Variants in MRPL4 observed in about 807,000 individuals in gnomAD.
MRPL4 encodes large ribosomal subunit protein uL4m.
MRPL4 carries 34 observed loss-of-function variants against 34.1 expected under a neutral mutation model. The ratio of observed to expected loss-of-function variants is 1.00; its 90% CI spans 0.76 to 1.33. The LOEUF is 1.33. Ranked by LOEUF, MRPL4 falls within the 40% of genes most tolerant of loss-of-function variation. The pLI, the probability that MRPL4 is intolerant of heterozygous loss-of-function variation, is 0.00. For missense variants in MRPL4, 402 were observed against 434.6 expected, an observed-to-expected ratio of 0.92 and a Z score of 0.67; for synonymous variants, 196 against 188.3, an observed-to-expected ratio of 1.04 and a Z score of -0.33.
At chr19:10,259,023 CAG>C (rs1324621942) in intron 8 of MRPL4, 19 of 1,388,186 alleles carry the variant, frequency 1.4e-5, no homozygotes, top group Admixed American at 6.6e-5. Context: ...AGCTTGAGCT[CAG>C]GGGGCCAAGG....
chr19:10,256,558 T>A (rs1046696848), intron 4 of MRPL4, 150 bp from the exon 5 acceptor site: 1 of 611,044 alleles, frequency 1.6e-6, no homozygotes, highest in Non-Finnish European at 2.9e-6. Context: ...TTCTTTACCC[T>A]CCCCCTCGCT....
Position 10,259,813 on chromosome 19 carries a change from A to G in MRPL4, c.936A>G (p.Ter312TrpextTer39). 3 of 1,604,364 alleles carry G rather than the reference A, an allele frequency of 1.9e-6. No individual in the cohort carries two copies. Among genetic ancestry groups the G allele is most frequent in the Non-Finnish European group, 1.7e-6 (2 of 1,173,304 alleles). The change falls in exon 9 of 9, where the codon TGA becomes TGG. Residue 312 changes from the stop codon to tryptophan (W), a stop_lost. Coordinates refer to ENST00000253099, the MANE Select transcript of MRPL4 (RefSeq NM_015956.3). ...CAGCGGCCACCCCGTACCACTGTTGATGTGAAGCACCTCTTCTGAGCCAGG... is the reference window on the plus strand; with the variant it reads ...CAGCGGCCACCCCGTACCACTGTTGGTGTGAAGCACCTCTTCTGAGCCAGG... ...QGPAATPYHC* is the reference protein window; with the variant it reads ...QGPAATPYHCW
rs148662030 is a variant in MRPL4, at chr19:10,259,801, G to C, written c.924G>C (p.Pro308=). ...CTACCCAGGGCCCAGCGGCCACCCC[G>C]TACCACTGTTGATGTGAAGCACCTC... is the stretch of plus-strand genomic sequence containing the variant. ...PHATQGPAAT[P]YHC The change falls in exon 9 of 9, where the codon CCG becomes CCC. Residue 308 remains proline, a synonymous_variant. Transcript: ENST00000253099. 6.2e-7 allele frequency: 1 copy of C among 1,609,556 alleles called. No homozygotes were observed. The highest frequency in any genetic ancestry group is 1.7e-5 in the Admixed American group (1 of 59,554).
At chr19:10,259,466 G>A in intron 8 of MRPL4, 151 bp from the exon 9 acceptor site, 2 of 1,437,556 alleles carry the variant, frequency 1.4e-6, no homozygotes, top group Non-Finnish European at 1.8e-6. Flanking sequence ...CGGCCAGGCA[G>A]GGTCTGGCCC....
At chr19:10,256,136 A>C (rs1472918217) in intron 4 of MRPL4, among the ~76,000 whole-genome samples, 1 of 152,186 alleles carries the variant, frequency 6.6e-6, no homozygotes, top group African/African-American at 2.4e-5. Context: ...AAATACAAAT[A>C]TTAGTTGGGT....
chr19:10,255,984 GA>G (rs1191550239), intron 4 of MRPL4, among the ~76,000 whole-genome samples: 9 of 151,740 alleles, frequency 5.9e-5, no homozygotes, highest in Non-Finnish European at 1.3e-4. Context: ...CATCTCTACT[GA>G]AAATACAAAA....
At chr19:10,254,567 C>T (rs1568283672) in intron 3 of MRPL4, 22 bp from the exon 4 acceptor site, 1 of 1,613,180 alleles carries the variant, frequency 6.2e-7, no homozygotes, top group Non-Finnish European at 8.5e-7. Context: ...TTGGGCTTCT[C>T]ATGTGTCCTT....
At position 10,252,850 on chromosome 19, in the gene MRPL4, G is replaced by A. The variant is rs539989573; in HGVS notation, c.275+149G>A. On this transcript the variant is annotated intron_variant, in intron 3 of 8. Coordinates refer to ENST00000253099, the MANE Select transcript of MRPL4 (RefSeq NM_015956.3). ...CACCTGTCAAAGGGGAATGATGACA[G>A]TTTCCCCTGCTGTAGCGCTGTGTGA... 12 of 1,139,670 alleles carry A rather than the reference G, an allele frequency of 1.1e-5. No individual in the cohort carries two copies. The Admixed American group carries it at 2.7e-4, about 26-fold the overall frequency. The allele number at this position is 1,139,670 out of a possible 1,614,324, so 70.6% of individuals were successfully genotyped here.
chr19:10,254,715 C>A, intron 4 of MRPL4, 75 bp downstream of exon 4: 2 of 1,539,334 alleles, frequency 1.3e-6, no homozygotes, highest in South Asian at 2.3e-5. Flanking sequence ...AGAGGAAGCC[C>A]ATCGCTGGGT....
Position 10,254,582 on chromosome 19 carries a change from C to A in MRPL4, c.276-7C>A, listed in dbSNP as rs1344122791. 2 of 1,613,384 alleles carry A rather than the reference C, an allele frequency of 1.2e-6. No individual in the cohort carries two copies. Among genetic ancestry groups the A allele is most frequent in the African/African-American group, 1.3e-5 (1 of 74,926 alleles). ...TTGGGCTTCTCATGTGTCCTTCCTC[C>A]CCGCAGGCTGGACATACTGCACCAG... On this transcript the variant is annotated splice_region_variant and splice_polypyrimidine_tract_variant and intron_variant, in intron 3 of 8. Transcript: ENST00000253099.
intron 8 of MRPL4, chr19:10,258,893 T>C (rs1425858414): frequency 2.0e-6 from 3 of 1,470,820 alleles, no homozygotes; most frequent in East Asian, 2.5e-5. Context: ...CCCAGTACTT[T>C]GGGAGGCCAA....
rs750524538 is a variant in MRPL4 at position 10,258,455 on chromosome 19, G to A, written c.595G>A (p.Asp199Asn). Reference sequence around the variant, plus strand: ...GGACTCCCTAGAGCTGCCCACCGGAGACCCACAGTACCTGACAGAGCTGGC... The same window carrying A: ...GGACTCCCTAGAGCTGCCCACCGGAAACCCACAGTACCTGACAGAGCTGGC... ...IMDSLELPTG[D>N]PQYLTELAHY... The change falls in exon 7 of 9, where the codon GAC becomes AAC. Residue 199 changes from aspartate to asparagine, a missense_variant. Coordinates refer to ENST00000253099, the MANE Select transcript of MRPL4 (RefSeq NM_015956.3). 1.9e-6 allele frequency: 3 copies of A among 1,614,090 alleles called. No individual in the cohort carries two copies. In the South Asian group the frequency reaches 3.3e-5, roughly 18 times the overall value.
At chr19:10,252,048 G>A (rs1040298657), upstream of MRPL4, 5 of 583,336 alleles carry the variant, frequency 8.6e-6, no homozygotes, top group South Asian at 4.5e-5. Context: ...CTTGAGGCAG[G>A]AGTGAAAATT....
At position 10,252,656 on chromosome 19, in the gene MRPL4, T is replaced by C. The variant is rs1175956866; in HGVS notation, c.230T>C (p.Val77Ala). ...TTGCGGGGCTTCGAGCAGGAGCGCGTGGGCCTGGCCGACCTGCACCCCGAT... is the reference window on the plus strand; with the variant it reads ...TTGCGGGGCTTCGAGCAGGAGCGCGCGGGCCTGGCCGACCTGCACCCCGAT... The part of the protein sequence containing the change: ...ESLRGFEQER[V>A]GLADLHPDVF... Residue 77 changes from valine (V) to alanine (A), a missense_variant, in exon 3 of 9, where the codon GTG becomes GCG. Coordinates refer to ENST00000253099, the MANE Select transcript of MRPL4 (RefSeq NM_015956.3). 6.2e-7 allele frequency: 1 copy of C among 1,607,820 alleles called. No individual in the cohort carries two copies. The highest frequency in any genetic ancestry group is 8.5e-7 in the Non-Finnish European group (1 of 1,179,834).
chr19:10,254,555 A>C, intron 3 of MRPL4, 34 bp from the exon 4 acceptor site: 1 of 1,612,198 alleles, frequency 6.2e-7, no homozygotes, highest in Non-Finnish European at 8.5e-7. Context: ...TTTGAAGCAG[A>C]GTTGGGCTTC....
intron 4 of MRPL4, 106 bp from the exon 5 acceptor site, chr19:10,256,602 C>A: frequency 1.1e-6 from 1 of 876,674 alleles, no homozygotes; most frequent in Non-Finnish European, 1.8e-6. Context: ...AGAGAGAGCC[C>A]GTCATCATGG....
chr19:10,252,559 G>C lies in MRPL4; in HGVS notation c.133G>C (p.Glu45Gln). 6.2e-7 allele frequency: 1 copy of C among 1,613,178 alleles called. No individual in the cohort carries two copies. The highest frequency in any genetic ancestry group is 1.1e-5 in the South Asian group (1 of 91,050). ...CCCCGCAATCGCTCCAGGTCTCCCG[G>C]AGCCCGTGCTGCGCAAAGTCGAGCT... ...PEQVASEGLP[E>Q]PVLRKVELPV... Residue 45 changes from glutamate (E) to glutamine (Q), a missense_variant, in exon 3 of 9, where the codon GAG becomes CAG. Transcript: ENST00000253099.
upstream of MRPL4, chr19:10,252,205 C>T: frequency 6.6e-7 from 1 of 1,522,392 alleles, no homozygotes; most frequent in South Asian, 1.2e-5. Flanking sequence ...CGGCGCCTCG[C>T]GAGGCTCCAG....
chr19:10,254,574 C>T lies in MRPL4; in HGVS notation c.276-15C>T, dbSNP rs774932922. On this transcript the variant is annotated splice_polypyrimidine_tract_variant and intron_variant, in intron 3 of 8. Transcript: ENST00000253099. ...AAGCAGAGTTGGGCTTCTCATGTGT[C>T]CTTCCTCCCCGCAGGCTGGACATAC... 9.9e-6 allele frequency: 16 copies of T among 1,613,150 alleles called. No individual in the cohort carries two copies. Among genetic ancestry groups the T allele is most frequent in the Middle Eastern group, 1.6e-4 (1 of 6,070 alleles).
Sources: allele counts gnomAD v4.1 joint callset (sites outside exome capture counted in the v4.1 genomes callset), GRCh38; gene constraint gnomAD v4.1.1; transcripts MANE v1.5; gene names NCBI Gene and HGNC (gene_info 2026-07-23, HGNC 2026-07-21).